Variants in NEK1 observed in about 807,000 individuals in gnomAD.
The protein encoded by NEK1 is serine/threonine-protein kinase Nek1.
NEK1 carries 137 observed loss-of-function variants against 182.1 expected under a neutral mutation model. The ratio of observed to expected loss-of-function variants is 0.75; its 90% CI spans 0.65 to 0.87. NEK1 has a LOEUF of 0.87. Among genes scored for constraint, NEK1 ranks in the 40% least tolerant of loss-of-function variants. The pLI, the probability that NEK1 is intolerant of heterozygous loss-of-function variation, is 0.00. For missense variants in NEK1, 1,391 were observed against 1,494.4 expected (o/e 0.93, Z 1.14); for synonymous variants, 513 against 492.2 (o/e 1.04, Z -0.56).
At chr4:169,406,505 T>C in intron 32 of NEK1, 91 bp downstream of exon 32, 2 of 905,204 alleles carry the variant, frequency 2.2e-6, no homozygotes, top group Middle Eastern at 3.5e-4. Flanking sequence ...GTTAATGAGT[T>C]AAAAAAAAGA....
intron 23 of NEK1, among the ~76,000 whole-genome samples, chr4:169,483,143 T>C (rs1748397885): frequency 6.6e-6 from 1 of 152,214 alleles, no homozygotes; most frequent in Non-Finnish European, 1.5e-5. Context: ...CTAATTTCAA[T>C]ATTATTTTGT....
At chr4:169,436,650 G>A (rs1738462449) in intron 28 of NEK1, among the ~76,000 whole-genome samples, 2 of 152,222 alleles carry the variant, frequency 1.3e-5, no homozygotes, top group African/African-American at 4.8e-5. Context: ...AGCCCAGGAT[G>A]ATTCCTTCTA....
At chr4:169,573,224 T>G (rs1765151210) in intron 12 of NEK1, among the ~76,000 whole-genome samples, 1 of 152,198 alleles carries the variant, frequency 6.6e-6, no homozygotes, top group Non-Finnish European at 1.5e-5. Context: ...CAGGTAAGAC[T>G]GACTAGCAGA....
At position 169,404,782 on chromosome 4, in the gene NEK1, A is replaced by AAT. The variant is rs1732292245; in HGVS notation, c.3374+1813_3374+1814insAT. On this transcript the variant is annotated intron_variant, in intron 32 of 35. Coordinates refer to ENST00000507142, the MANE Select transcript of NEK1 (RefSeq NM_001199397.3). ...TCTTTTTGTTTTTTTATGGAAAAAA[A>AAT]TTTTTTTTTTAATTTTACTTTAAGT... Among the ~76,000 whole-genome samples, 3 of 150,766 alleles carry AAT rather than the reference A, an allele frequency of 2.0e-5. 1 individual carries two copies. Among genetic ancestry groups the AAT allele is most frequent in the Middle Eastern group, 6.8e-3 (2 of 294 alleles).
chr4:169,604,032 T>C (rs1203948459), intron 2 of NEK1, among the ~76,000 whole-genome samples: 4 of 152,222 alleles, frequency 2.6e-5, no homozygotes, highest in Admixed American at 6.5e-5. Context: ...TTTTTCTCTT[T>C]TGAACTATTC....
chr4:169,535,666 G>T (rs965538063), intron 19 of NEK1, among the ~76,000 whole-genome samples: 1 of 151,862 alleles, frequency 6.6e-6, no homozygotes, highest in East Asian at 1.9e-4. Context: ...ATCATCTGAG[G>T]TCAGGAGTTT....
chr4:169,601,025 TAAAGGA>T (rs1236902430), intron 4 of NEK1, among the ~76,000 whole-genome samples: 4 of 152,150 alleles, frequency 2.6e-5, no homozygotes, highest in African/African-American at 9.7e-5. Flanking sequence ...AGGAGAAAGA[TAAAGGA>T]AAATTCAAGG....
At chr4:169,434,021 G>T (rs976672780) in intron 28 of NEK1, among the ~76,000 whole-genome samples, 14 of 152,028 alleles carry the variant, frequency 9.2e-5, no homozygotes, top group Non-Finnish European at 1.5e-4. Flanking sequence ...AAAGATATTT[G>T]TGGTTAGAAA....
chr4:169,498,785 G>A (rs1242557792), intron 23 of NEK1, among the ~76,000 whole-genome samples: 1 of 152,176 alleles, frequency 6.6e-6, no homozygotes, highest in Non-Finnish European at 1.5e-5. Flanking sequence ...CTGTTAGTCT[G>A]ATGGGCTTCC....
intron 12 of NEK1, among the ~76,000 whole-genome samples, chr4:169,571,481 G>A (rs766264917): frequency 6.6e-5 from 10 of 152,182 alleles, no homozygotes; most frequent in Admixed American, 2.6e-4. Flanking sequence ...TGGGAATGGC[G>A]TAGAGGGATG....
Position 169,462,746 on chromosome 4 carries a change from C to G in NEK1, c.2587+497G>C, listed in dbSNP as rs147899401. ...AACAAGCTGTTTAATCTGAAAATAC[C>G]TGTTTCATACATAGCCACTCTTCTT... On this transcript the variant is annotated intron_variant, in intron 27 of 35. Coordinates refer to ENST00000507142, the MANE Select transcript of NEK1 (RefSeq NM_001199397.3). Among the ~76,000 whole-genome samples, 239 of 152,168 alleles carry G rather than the reference C, an allele frequency of 1.6e-3. 2 individuals are homozygous for G. The highest frequency in any genetic ancestry group is 5.4e-3 in the African/African-American group (224 of 41,532).
intron 2 of NEK1, among the ~76,000 whole-genome samples, chr4:169,607,585 C>T (rs1771574384): frequency 6.6e-6 from 1 of 152,066 alleles, no homozygotes; most frequent in Non-Finnish European, 1.5e-5. Context: ...GCCTCAGCCT[C>T]CCAAGTAGCT....
At chr4:169,525,412 G>A (rs913679608) in intron 19 of NEK1, among the ~76,000 whole-genome samples, 12 of 152,176 alleles carry the variant, frequency 7.9e-5, no homozygotes, top group Admixed American at 6.5e-5. Flanking sequence ...TTACAGGCAT[G>A]AGCCACTGCA....
intron 23 of NEK1, among the ~76,000 whole-genome samples, chr4:169,488,390 A>G (rs145760405): frequency 6.6e-6 from 1 of 152,318 alleles, no homozygotes; most frequent in African/African-American, 2.4e-5. Context: ...TTTTCTGCAT[A>G]TGACTAGCCA....
rs79162553 is a variant in NEK1 at position 169,483,326 on chromosome 4, A to C, written c.2008-3792T>G. Among the ~76,000 whole-genome samples the C allele has an allele frequency of 1.6e-3, 238 of 152,328 alleles. 1 individual carries two copies. In the East Asian group the frequency reaches 0.023, roughly 14 times the overall value. On this transcript the variant is annotated intron_variant, in intron 23 of 35. Coordinates refer to ENST00000507142, the MANE Select transcript of NEK1 (RefSeq NM_001199397.3). ...ATAATGACAATAATGAAAAAGTTTG[A>C]AATATGGCAAGAATTACAAAAATGT...
intron 32 of NEK1, among the ~76,000 whole-genome samples, chr4:169,402,300 G>C (rs1193877030): frequency 6.6e-6 from 1 of 152,138 alleles, no homozygotes; most frequent in Non-Finnish European, 1.5e-5. Context: ...GTGGCTAATA[G>C]CTAGACACTA....
intron 23 of NEK1, among the ~76,000 whole-genome samples, chr4:169,495,825 G>T (rs1751144814): frequency 6.6e-6 from 1 of 152,174 alleles, no homozygotes; most frequent in Non-Finnish European, 1.5e-5. Flanking sequence ...ATAGTTTGAA[G>T]TCAGGTAGTG....
At chr4:169,426,273 T>A in intron 29 of NEK1, 39 bp from the exon 30 acceptor site, 1 of 1,526,678 alleles carries the variant, frequency 6.6e-7, no homozygotes. Flanking sequence ...ACACACACAC[T>A]TAGTTTACCA....
chr4:169,593,736 C>G (rs1459625419), intron 5 of NEK1, among the ~76,000 whole-genome samples: 3 of 152,194 alleles, frequency 2.0e-5, no homozygotes, highest in African/African-American at 7.2e-5. Context: ...CGCCTGTAAT[C>G]CCAGCACTTT....
Sources: gnomAD v4.1 joint callset for allele counts (sites outside exome capture counted in the v4.1 genomes callset) on GRCh38, gnomAD v4.1.1 for gene constraint, MANE v1.5 for transcripts, NCBI Gene and HGNC (gene_info 2026-07-23, HGNC 2026-07-21) for gene names.